The following GRID2 variants were observed in gnomAD, a reference collection of about 807,000 sequenced individuals.
The protein encoded by GRID2 is glutamate receptor ionotropic, delta-2.
GRID2 carries 33 observed loss-of-function variants against 114.8 expected under a neutral mutation model. The observed-to-expected ratio is 0.29, with a 90% CI of 0.22 to 0.38. The LOEUF (loss-of-function observed/expected upper bound fraction) is 0.38, where lower values mean the gene tolerates loss of function less well. Ranked by LOEUF, GRID2 falls within the 10% of genes least tolerant of loss-of-function variation. GRID2 has a pLI of 1.00. For synonymous variants in GRID2, 505 were observed against 449.9 expected (o/e 1.12, Z -1.55); for missense variants, 1,184 against 1,257.7 (o/e 0.94, Z 0.89).
chr4:93,138,918 C>A (rs544505576), intron 4 of GRID2, among the ~76,000 whole-genome samples: 3 of 152,198 alleles, frequency 2.0e-5, no homozygotes, highest in Admixed American at 2.0e-4. Context: ...CATCTCCGTA[C>A]TCCTCAGAGT....
chr4:93,746,815 G>T (rs557811845), intron 14 of GRID2, among the ~76,000 whole-genome samples: 1 of 152,056 alleles, frequency 6.6e-6, no homozygotes, highest in African/African-American at 2.4e-5. Flanking sequence ...AAACTTTTCT[G>T]GTGATAATGT....
At chr4:92,859,057 C>A (rs1170146640) in intron 2 of GRID2, among the ~76,000 whole-genome samples, 3 of 152,070 alleles carry the variant, frequency 2.0e-5, no homozygotes, top group Non-Finnish European at 4.4e-5. Flanking sequence ...AAAATGATAT[C>A]AAACAGCATC....
intron 2 of GRID2, among the ~76,000 whole-genome samples, chr4:92,916,535 C>A (rs767953719): frequency 1.3e-5 from 2 of 151,752 alleles, no homozygotes; most frequent in African/African-American, 2.4e-5. Flanking sequence ...AACAGGCCCT[C>A]GTGTGTGATG....
intron 2 of GRID2, among the ~76,000 whole-genome samples, chr4:92,684,122 T>C (rs904216348): frequency 1.3e-5 from 2 of 152,022 alleles, no homozygotes; most frequent in African/African-American, 2.4e-5. Context: ...AATACCATTA[T>C]GTAAATTTTA....
At chr4:92,797,663 T>G (rs1739956278) in intron 2 of GRID2, among the ~76,000 whole-genome samples, 1 of 152,060 alleles carries the variant, frequency 6.6e-6, no homozygotes, top group African/African-American at 2.4e-5. Flanking sequence ...TTATATTTTA[T>G]GCATTTATGA....
chr4:92,833,718 G>A (rs1373922276), intron 2 of GRID2: 1 of 152,214 alleles, frequency 6.6e-6, no homozygotes, highest in East Asian at 1.9e-4. Flanking sequence ...TAATAGCATA[G>A]TGAAAGGATG....
chr4:93,439,773 G>C (rs11937648), intron 10 of GRID2, among the ~76,000 whole-genome samples: 16,845 of 152,024 alleles, frequency 0.11, 2,157 homozygotes, highest in African/African-American at 0.31. Context: ...AGAGTTCAGA[G>C]AACCTGAGAA....
chr4:92,650,667 T>C (rs1731882424), intron 2 of GRID2, among the ~76,000 whole-genome samples: 1 of 151,948 alleles, frequency 6.6e-6, no homozygotes, highest in Non-Finnish European at 1.5e-5. Flanking sequence ...GGAAGCACTC[T>C]TCTTTCTGGA....
At chr4:92,720,129 CTTTT>C (rs2079263175) in intron 2 of GRID2, among the ~76,000 whole-genome samples, 1 of 151,934 alleles carries the variant, frequency 6.6e-6, no homozygotes, top group Non-Finnish European at 1.5e-5. Context: ...GTTCATATTT[CTTTT>C]TAAGTCAAAT....
intron 1 of GRID2, among the ~76,000 whole-genome samples, chr4:92,514,452 T>C (rs1008966690): frequency 5.3e-5 from 8 of 151,894 alleles, no homozygotes; most frequent in Non-Finnish European, 1.5e-5. Context: ...TTTTAAGATA[T>C]TTTACATTTC....
At chr4:92,907,247 T>C (rs1189106906) in intron 2 of GRID2, among the ~76,000 whole-genome samples, 1 of 152,128 alleles carries the variant, frequency 6.6e-6, no homozygotes, top group Non-Finnish European at 1.5e-5. Flanking sequence ...TCCCTTGTCT[T>C]AATGTAAAGT....
chr4:93,246,758 C>T (rs1168560613), intron 8 of GRID2, among the ~76,000 whole-genome samples: 1 of 151,796 alleles, frequency 6.6e-6, no homozygotes, highest in African/African-American at 2.4e-5. Flanking sequence ...TAGCTTGTAC[C>T]ATAAAGTCAT....
intron 11 of GRID2, among the ~76,000 whole-genome samples, chr4:93,481,235 T>G (rs1038586724): frequency 3.9e-5 from 6 of 152,006 alleles, no homozygotes; most frequent in Non-Finnish European, 7.4e-5. Flanking sequence ...CTATGTCAAG[T>G]TATTGAAAAG....
chr4:93,049,776 T>C (rs1726520133), intron 2 of GRID2, among the ~76,000 whole-genome samples: 1 of 152,000 alleles, frequency 6.6e-6, no homozygotes, highest in Non-Finnish European at 1.5e-5. Flanking sequence ...ATTTTACATT[T>C]TCTTAGCAAA....
chr4:93,657,942 G>A (rs1304270761), intron 14 of GRID2, among the ~76,000 whole-genome samples: 1 of 152,194 alleles, frequency 6.6e-6, no homozygotes, highest in Non-Finnish European at 1.5e-5. Flanking sequence ...AACTTCATTT[G>A]TACTGAGTCA....
chr4:92,720,507 A>G (rs1735760363), intron 2 of GRID2, among the ~76,000 whole-genome samples: 1 of 151,996 alleles, frequency 6.6e-6, no homozygotes, highest in African/African-American at 2.4e-5. Context: ...ACTAATTAAA[A>G]AAAGCTCTTT....
chr4:92,485,084 T>A (rs952744099), intron 1 of GRID2, among the ~76,000 whole-genome samples: 2 of 151,182 alleles, frequency 1.3e-5, no homozygotes, highest in Middle Eastern at 3.2e-3. Flanking sequence ...TTTAATATTA[T>A]CATTACTCTT....
intron 2 of GRID2, among the ~76,000 whole-genome samples, chr4:92,729,680 C>T (rs1030698826): frequency 2.6e-5 from 4 of 152,006 alleles, no homozygotes; most frequent in African/African-American, 9.7e-5. Flanking sequence ...TGTTAGCTGA[C>T]TTCATACATC....
At chr4:93,098,395 C>G (rs931559943) in intron 3 of GRID2, among the ~76,000 whole-genome samples, 1 of 151,918 alleles carries the variant, frequency 6.6e-6, no homozygotes, top group African/African-American at 2.4e-5. Flanking sequence ...CAGGCAGACT[C>G]ACCATCAGAG....
Sources: gnomAD v4.1 joint callset for allele counts (sites outside exome capture counted in the v4.1 genomes callset) on GRCh38, gnomAD v4.1.1 for gene constraint, MANE v1.5 for transcripts, NCBI Gene and HGNC (gene_info 2026-07-23, HGNC 2026-07-21) for gene names.